Variants in DOCK5 observed in about 807,000 individuals in gnomAD.
DOCK5 encodes dedicator of cytokinesis protein 5.
A neutral mutation model predicts 251.8 loss-of-function variants in DOCK5; 142 were observed. The observed-to-expected ratio is 0.56, with a 90% CI of 0.49 to 0.65. The LOEUF (loss-of-function observed/expected upper bound fraction) is 0.65. Among genes scored for constraint, DOCK5 ranks in the 30% least tolerant of loss-of-function variants. The pLI is 0.00. For missense variants in DOCK5, 2,111 were observed against 2,312.3 expected, an observed-to-expected ratio of 0.91 and a Z score of 1.79; for synonymous variants, 842 against 835.5, an observed-to-expected ratio of 1.01 and a Z score of -0.13.
At chr8:25,217,352 G>A (rs1185278255) in intron 1 of DOCK5, among the ~76,000 whole-genome samples, 2 of 151,850 alleles carry the variant, frequency 1.3e-5, no homozygotes, top group Admixed American at 6.6e-5. Context: ...TAATTATACT[G>A]ATGATCTCTG....
At chr8:25,227,769 C>T (rs138625343) in intron 1 of DOCK5, among the ~76,000 whole-genome samples, 74 of 152,312 alleles carry the variant, frequency 4.9e-4, no homozygotes, top group African/African-American at 1.8e-3. Flanking sequence ...GATATATCCT[C>T]ATCTTTGTCA....
rs375151854 is a variant in DOCK5 at position 25,300,571 on chromosome 8, G to A, written c.765-5G>A. The A allele has an allele frequency of 2.5e-6, 4 of 1,608,158 alleles. No individual in the cohort carries two copies. The highest frequency in any genetic ancestry group is 1.7e-5 in the Admixed American group (1 of 58,926). On this transcript the variant is annotated splice_region_variant and splice_polypyrimidine_tract_variant and intron_variant, in intron 8 of 51. Transcript: ENST00000276440. ...ATTAAGAGCAATTTTTTTTTCCTTT[G>A]CCAGTGAGAACTATCTAATTCGTTG...
rs997993593 is a variant in DOCK5, at chr8:25,296,706, T to C, written c.606+58T>C. 3.8e-6 allele frequency: 6 copies of C among 1,590,268 alleles called. No individual in the cohort carries two copies. The African/African-American group carries it at 5.4e-5, about 14-fold the overall frequency. On this transcript the variant is annotated intron_variant, in intron 7 of 51. Transcript: ENST00000276440. ...TGAGGTTCCATTTTTGCCTTGGTTTTTAATGAAAGAAAGGGAAATCATTGA... is the reference window on the plus strand; with the variant it reads ...TGAGGTTCCATTTTTGCCTTGGTTTCTAATGAAAGAAAGGGAAATCATTGA...
intron 2 of DOCK5, among the ~76,000 whole-genome samples, chr8:25,255,549 C>T (rs1376876631): frequency 6.6e-6 from 1 of 152,062 alleles, no homozygotes; most frequent in African/African-American, 2.4e-5. Flanking sequence ...AGAGGTAGAG[C>T]ACAGGGAATT....
At chr8:25,401,698 C>T (rs894818695) in intron 47 of DOCK5, among the ~76,000 whole-genome samples, 1 of 152,184 alleles carries the variant, frequency 6.6e-6, no homozygotes. Context: ...CACACCATTG[C>T]ACTCCAGCCT....
chr8:25,193,974 T>A (rs1016573368), intron 1 of DOCK5, among the ~76,000 whole-genome samples: 1 of 151,738 alleles, frequency 6.6e-6, no homozygotes, highest in Non-Finnish European at 1.5e-5. Context: ...ACAATGAGGA[T>A]CTACTGTAGT....
chr8:25,203,687 A>C (rs535123181), intron 1 of DOCK5, among the ~76,000 whole-genome samples: 1 of 152,346 alleles, frequency 6.6e-6, no homozygotes, highest in South Asian at 2.1e-4. Context: ...GAAAAGAGAG[A>C]GCCTCTCATT....
intron 14 of DOCK5, among the ~76,000 whole-genome samples, chr8:25,318,962 C>T (rs1805345806): frequency 6.6e-6 from 1 of 152,172 alleles, no homozygotes; most frequent in Admixed American, 6.5e-5. Context: ...AAACTGAATG[C>T]TATGAGCCAC....
intron 1 of DOCK5, among the ~76,000 whole-genome samples, chr8:25,221,118 C>A (rs903821732): frequency 1.3e-5 from 2 of 151,542 alleles, no homozygotes; most frequent in Admixed American, 6.6e-5. Context: ...ATTTTTCAGT[C>A]CCCCCCATTG....
intron 27 of DOCK5, among the ~76,000 whole-genome samples, chr8:25,356,909 A>T (rs7001749): frequency 0.037 from 8 of 218 alleles, no homozygotes; most frequent in Non-Finnish European, 0.051. Flanking sequence ...TATGAAGATT[A>T]TATATATATA....
At chr8:25,313,137 G>T (rs1270353796) in intron 13 of DOCK5, among the ~76,000 whole-genome samples, 1 of 152,234 alleles carries the variant, frequency 6.6e-6, no homozygotes, top group Admixed American at 6.5e-5. Flanking sequence ...ACTCCTTCCT[G>T]TTGTCCCATC....
intron 44 of DOCK5, 99 bp downstream of exon 44, chr8:25,392,981 C>A: frequency 9.6e-7 from 1 of 1,040,234 alleles, no homozygotes; most frequent in South Asian, 1.4e-5. Context: ...CCAGCTTGGC[C>A]AGCCTCCTCT....
intron 37 of DOCK5, chr8:25,376,789 T>G (rs1159982983): frequency 6.6e-6 from 1 of 152,284 alleles, no homozygotes; most frequent in African/African-American, 2.4e-5. Flanking sequence ...TTTGGACTTA[T>G]TTTTGTTTGG....
At chr8:25,237,690 C>G (rs549856401) in intron 1 of DOCK5, among the ~76,000 whole-genome samples, 1 of 152,226 alleles carries the variant, frequency 6.6e-6, no homozygotes, top group South Asian at 2.1e-4. Flanking sequence ...TTCATGGCAG[C>G]CAGCGAGGCA....
At chr8:25,227,759 G>C (rs1400518016) in intron 1 of DOCK5, among the ~76,000 whole-genome samples, 1 of 152,188 alleles carries the variant, frequency 6.6e-6, no homozygotes, top group African/African-American at 2.4e-5. Context: ...TATGAATAAA[G>C]ATATATCCTC....
At chr8:25,283,628 C>T (rs907534467) in intron 5 of DOCK5, among the ~76,000 whole-genome samples, 5 of 76,420 alleles carry the variant, frequency 6.5e-5, no homozygotes, top group Non-Finnish European at 1.9e-4. Flanking sequence ...CATAGCTTCT[C>T]TCTTACCCGA....
chr8:25,279,805 A>C (rs1330319756), intron 5 of DOCK5, among the ~76,000 whole-genome samples: 1 of 139,926 alleles, frequency 7.1e-6, no homozygotes. Flanking sequence ...TTGTATTTTT[A>C]ATAGAGACAA....
At chr8:25,223,860 T>C (rs1359870609) in intron 1 of DOCK5, among the ~76,000 whole-genome samples, 23 of 152,210 alleles carry the variant, frequency 1.5e-4, no homozygotes, top group Admixed American at 1.4e-3. Flanking sequence ...GGATGAAGCA[T>C]TGAATTCATG....
chr8:25,205,974 A>G (rs955816279), intron 1 of DOCK5, among the ~76,000 whole-genome samples: 1 of 152,240 alleles, frequency 6.6e-6, no homozygotes, highest in Non-Finnish European at 1.5e-5. Context: ...AAAGCCATAA[A>G]TAACTCCAGG....
Sources: allele counts gnomAD v4.1 joint callset (sites outside exome capture counted in the v4.1 genomes callset), GRCh38; gene constraint gnomAD v4.1.1; transcripts MANE v1.5; gene names NCBI Gene and HGNC (gene_info 2026-07-23, HGNC 2026-07-21).